Variants in XKR6 observed in about 807,000 individuals in gnomAD.
XKR6 encodes XK related 6, also known as XK-related protein 6.
Under a neutral mutation model 56.7 loss-of-function variants are expected in XKR6, and 22 were observed. The ratio of observed to expected loss-of-function variants is 0.39; its 90% confidence interval spans 0.28 to 0.55. The LOEUF (loss-of-function observed/expected upper bound fraction) is 0.55. Ranked by LOEUF, XKR6 falls within the 20% of genes least tolerant of loss-of-function variation. The pLI, the probability that XKR6 is intolerant of heterozygous loss-of-function variation, is 0.66. For missense variants in XKR6, 852 were observed against 889.0 expected (o/e 0.96, Z 0.53); for synonymous variants, 524 against 387.8 (o/e 1.35, Z -4.13).
chr8:11,067,700 C>T (rs1231531461), intron 1 of XKR6, among the ~76,000 whole-genome samples: 2 of 152,198 alleles, frequency 1.3e-5, no homozygotes, highest in African/African-American at 2.4e-5. Flanking sequence ...CTCTTCTTTC[C>T]GGGCCCCCTC....
intron 1 of XKR6, among the ~76,000 whole-genome samples, chr8:10,980,982 A>G (rs183584875): frequency 6.6e-6 from 1 of 152,172 alleles, no homozygotes; most frequent in Admixed American, 6.5e-5. Context: ...TTTCAGAAAA[A>G]AAAAAGAGAA....
intron 1 of XKR6, among the ~76,000 whole-genome samples, chr8:11,186,340 A>G (rs2117108238): frequency 6.6e-6 from 1 of 152,262 alleles, no homozygotes; most frequent in Non-Finnish European, 1.5e-5. Flanking sequence ...GTTCTTCACA[A>G]TGGCATGTGA....
chr8:10,966,517 CA>C (rs559182902), intron 1 of XKR6, among the ~76,000 whole-genome samples: 1 of 151,850 alleles, frequency 6.6e-6, no homozygotes, highest in East Asian at 1.9e-4. Flanking sequence ...ACTAAAAATA[CA>C]AAAAAATTAG....
intron 1 of XKR6, among the ~76,000 whole-genome samples, chr8:11,148,124 C>A (rs1350566194): frequency 6.6e-6 from 1 of 152,066 alleles, no homozygotes; most frequent in African/African-American, 2.4e-5. Context: ...GCAGGAGAAT[C>A]CCTTGAACTC....
At chr8:11,021,331 G>A (rs982073304) in intron 1 of XKR6, among the ~76,000 whole-genome samples, 3 of 152,196 alleles carry the variant, frequency 2.0e-5, no homozygotes, top group Admixed American at 2.0e-4. Context: ...AAGGGGTACA[G>A]CTAAAGTGAT....
At chr8:11,193,375 C>T (rs975587564) in intron 1 of XKR6, among the ~76,000 whole-genome samples, 42 of 152,042 alleles carry the variant, frequency 2.8e-4, no homozygotes, top group African/African-American at 9.4e-4. Flanking sequence ...CCATAGGGTG[C>T]TGTAGTATGT....
chr8:10,999,685 A>G (rs1406400318), intron 1 of XKR6, among the ~76,000 whole-genome samples: 1 of 152,196 alleles, frequency 6.6e-6, no homozygotes, highest in Non-Finnish European at 1.5e-5. Flanking sequence ...TACCAAAATA[A>G]AAGTTCCAAC....
Position 11,086,014 on chromosome 8 carries a change from GTCTCCTCCTTGGC to G in XKR6, c.764+114549_764+114561del, listed in dbSNP as rs1204398087. 2.0e-4 allele frequency among the ~76,000 whole-genome samples: 30 copies of G among 152,004 alleles called. 1 individual carries two copies. In the East Asian group the frequency reaches 5.6e-3, roughly 29 times the overall value. On this transcript the variant is annotated intron_variant, in intron 1 of 2. Transcript: ENST00000416569. The stretch of plus-strand genomic sequence containing the variant: ...TTAAGCTCTAAGCTTCTTAATCAAA[GTCTCCTCCTTGGC>G]AGGGGGCCCGAGTGCCCCGGAGGAC...
At chr8:11,008,540 G>T (rs950656865) in intron 1 of XKR6, among the ~76,000 whole-genome samples, 4 of 150,662 alleles carry the variant, frequency 2.7e-5, no homozygotes, top group African/African-American at 9.8e-5. Flanking sequence ...CCCATTTCAG[G>T]CTCCTAAGTA....
intron 1 of XKR6, among the ~76,000 whole-genome samples, chr8:11,114,551 G>A (rs1482323842): frequency 6.6e-6 from 1 of 152,168 alleles, no homozygotes; most frequent in Non-Finnish European, 1.5e-5. Flanking sequence ...AGTAGACACA[G>A]GGTTTCACCA....
chr8:10,913,856 A>T (rs1328716725), intron 2 of XKR6, among the ~76,000 whole-genome samples: 1 of 152,172 alleles, frequency 6.6e-6, no homozygotes, highest in Non-Finnish European at 1.5e-5. Flanking sequence ...GTGGAAAAGG[A>T]TGGGGTCCCA....
chr8:11,177,887 T>G (rs879613341), intron 1 of XKR6, among the ~76,000 whole-genome samples: 2 of 152,238 alleles, frequency 1.3e-5, no homozygotes, highest in Non-Finnish European at 2.9e-5. Flanking sequence ...TTTGTGATGG[T>G]AGTCCCAGGA....
chr8:11,074,255 G>C (rs991391767), intron 1 of XKR6, among the ~76,000 whole-genome samples: 9 of 152,222 alleles, frequency 5.9e-5, no homozygotes, highest in Admixed American at 2.0e-4. Context: ...TGCAGAAGCT[G>C]CGCTCCCTCT....
At chr8:11,191,704 A>G (rs536143568) in intron 1 of XKR6, among the ~76,000 whole-genome samples, 1 of 148,374 alleles carries the variant, frequency 6.7e-6, no homozygotes, top group East Asian at 1.9e-4. Context: ...GTCATGAGAA[A>G]AAAAAAAAAA....
At chr8:11,143,695 A>C (rs1224278252) in intron 1 of XKR6, among the ~76,000 whole-genome samples, 1 of 152,178 alleles carries the variant, frequency 6.6e-6, no homozygotes, top group Non-Finnish European at 1.5e-5. Flanking sequence ...AGGGATTGTG[A>C]TTAGGATGGG....
intron 1 of XKR6, among the ~76,000 whole-genome samples, chr8:11,077,154 G>T (rs939771763): frequency 6.6e-6 from 1 of 152,112 alleles, no homozygotes; most frequent in African/African-American, 2.4e-5. Flanking sequence ...TCCAGCCTGG[G>T]CAACAGAGCA....
At chr8:11,130,451 C>T (rs932480825) in intron 1 of XKR6, among the ~76,000 whole-genome samples, 3 of 152,016 alleles carry the variant, frequency 2.0e-5, no homozygotes, top group East Asian at 1.9e-4. Context: ...GGGCGAGAAC[C>T]GGGACGTGTG....
At position 11,005,716 on chromosome 8, in the gene XKR6, G is replaced by A. The variant is rs531900455; in HGVS notation, c.765-80886C>T. On this transcript the variant is annotated intron_variant, in intron 1 of 2. Transcript: ENST00000416569. ...TGCTAGCAAAAATATTATAAGATAG[G>A]AATCAAATTTAAACAGTGGCTATCT... 3.3e-5 allele frequency among the ~76,000 whole-genome samples: 5 copies of A among 151,974 alleles called. No homozygotes were observed. In the East Asian group the frequency reaches 9.7e-4, roughly 29 times the overall value.
intron 1 of XKR6, among the ~76,000 whole-genome samples, chr8:10,995,468 C>A (rs1798089025): frequency 6.9e-6 from 1 of 145,280 alleles, no homozygotes; most frequent in African/African-American, 2.5e-5. Flanking sequence ...ATATATAATA[C>A]ATATAAAACC....
Sources: gnomAD v4.1 joint callset for allele counts (sites outside exome capture counted in the v4.1 genomes callset) on GRCh38, gnomAD v4.1.1 for gene constraint, MANE v1.5 for transcripts, NCBI Gene and HGNC (gene_info 2026-07-23, HGNC 2026-07-21) for gene names.